Variants in RPS15A observed in about 807,000 individuals in gnomAD.
RPS15A encodes small ribosomal subunit protein uS8.
For synonymous variants in RPS15A, 55 were observed against 58.5 expected (o/e 0.94, Z 0.27); for missense variants, 62 against 163.4 (o/e 0.38, Z 3.38).
At chr16:18,789,338 A>C (rs1195191168) in intron 1 of RPS15A, among the ~76,000 whole-genome samples, 1 of 152,220 alleles carries the variant, frequency 6.6e-6, no homozygotes, top group Non-Finnish European at 1.5e-5. Context: ...GCACATTTTG[A>C]AACTCATTCA....
intron 3 of RPS15A, chr16:18,786,229 G>C: frequency 4.4e-6 from 1 of 225,374 alleles, no homozygotes; most frequent in Non-Finnish European, 9.2e-6. Context: ...GCCGGGCATG[G>C]TGGCACTCAC....
rs746348127 is a variant in RPS15A, at chr16:18,787,084, C to CAA, written c.213+977_213+978dup. ...TTCACCATGTTGGCCAGGCTTGTCT[C>CAA]AAACTCCTGACCTCGTGATCCGCCT... On this transcript the variant is annotated intron_variant, in intron 3 of 4. Transcript: ENST00000322989. Among the ~76,000 whole-genome samples, 12 of 152,320 alleles carry CAA rather than the reference C, an allele frequency of 7.9e-5. No individual in the cohort carries two copies. In the East Asian group the frequency reaches 2.1e-3, roughly 27 times the overall value.
intron 2 of RPS15A, 159 bp from the exon 3 acceptor site, chr16:18,788,301 T>C (rs2029933698): frequency 3.3e-6 from 2 of 597,346 alleles, no homozygotes; most frequent in Non-Finnish European, 6.0e-6. Flanking sequence ...AACTAATTTT[T>C]ACAACCTAAC....
In RPS15A at chr16:18,783,359, A is replaced by G. The variant is rs1208496464; in HGVS notation, c.300-257T>C. The G allele has an allele frequency of 2.3e-5, 11 of 481,476 alleles. 1 individual carries two copies. The highest frequency in any genetic ancestry group is 7.3e-4 in the Middle Eastern group (2 of 2,754). The allele number at this position is 481,476 out of a possible 1,614,324, so 29.8% of individuals were successfully genotyped here. A position where few individuals can be genotyped will look rare whatever the true frequency, so the allele number is the denominator to read the frequency against. On this transcript the variant is annotated intron_variant, in intron 4 of 4. Transcript: ENST00000322989. ...CTGCCTACACCATGAAACAAACTGC[A>G]CTGAAAACAAAGGCTGGGAACTCCT...
intron 1 of RPS15A, among the ~76,000 whole-genome samples, chr16:18,789,613 A>C (rs2029980512): frequency 6.6e-6 from 1 of 152,214 alleles, no homozygotes; most frequent in Admixed American, 6.5e-5. Flanking sequence ...TACAATGAAC[A>C]CATCTAACTA....
chr16:18,788,077 C>T lies in RPS15A; in HGVS notation c.199G>A (p.Gly67Ser). ...RAGKIVVNLTGRLNKCGVISP... is the reference protein window; with the variant it reads ...RAGKIVVNLTSRLNKCGVISP... ...CTCGTTCTTACCTTGTTTAGCCTGC[C>T]TGTGAGGTTCACAACAATTTTCCCA... is the stretch of plus-strand genomic sequence containing the variant. Residue 67 changes from glycine (G) to serine (S), a missense_variant, in exon 3 of 5, where the codon GGC becomes AGC. Transcript: ENST00000322989. The T allele has an allele frequency of 6.2e-7, 1 of 1,608,544 alleles. No homozygotes were observed. The highest frequency in any genetic ancestry group is 8.5e-7 in the Non-Finnish European group (1 of 1,175,528).
chr16:18,787,707 A>T (rs746979868), intron 3 of RPS15A, among the ~76,000 whole-genome samples: 13 of 152,330 alleles, frequency 8.5e-5, no homozygotes, highest in South Asian at 6.2e-4. Context: ...CACATCACTG[A>T]GAGGAAGGAC....
chr16:18,783,574 C>T, intron 4 of RPS15A: 1 of 443,362 alleles, frequency 2.3e-6, no homozygotes, highest in Non-Finnish European at 4.5e-6. Flanking sequence ...ATATAGTATG[C>T]AAATGTGCGG....
At chr16:18,783,199 G>T in intron 4 of RPS15A, 97 bp from the exon 5 acceptor site, 2 of 768,318 alleles carry the variant, frequency 2.6e-6, no homozygotes, top group Non-Finnish European at 4.4e-6. Flanking sequence ...GGTTAAGGGC[G>T]CTTTCCTGTG....
At position 18,789,103 on chromosome 16, in the gene RPS15A, A is replaced by G. The variant is rs775737604; in HGVS notation, c.11T>C (p.Met4Thr). The change falls in exon 2 of 5, where the codon ATG becomes ACG. Residue 4 changes from methionine to threonine, a missense_variant. Transcript: ENST00000322989. MVR[M>T]NVLADALKSI... ...CTTGAGAGCATCTGCCAGGACATTCATGCGCACCATTGTGGCTGTTCAAGG... is the reference window on the plus strand; with the variant it reads ...CTTGAGAGCATCTGCCAGGACATTCGTGCGCACCATTGTGGCTGTTCAAGG... The G allele has an allele frequency of 1.9e-6, 3 of 1,613,278 alleles. No individual in the cohort carries two copies. Among genetic ancestry groups the G allele is most frequent in the Admixed American group, 1.7e-5 (1 of 59,740 alleles).
chr16:18,789,442 G>T lies in RPS15A; in HGVS notation c.-5-324C>A, dbSNP rs3736382. ...ATCCACTTGACACAAGACAACGTGA[G>T]AACTGGCAGAAACTGCCAGCTACCG... On this transcript the variant is annotated intron_variant, in intron 1 of 4. Transcript: ENST00000322989. 2.6e-4 allele frequency among the ~76,000 whole-genome samples: 40 copies of T among 152,346 alleles called. No individual in the cohort carries two copies. In the East Asian group the frequency reaches 7.7e-3, roughly 29 times the overall value.
intron 2 of RPS15A, 81 bp from the exon 3 acceptor site, chr16:18,788,223 T>C: frequency 1.1e-6 from 1 of 879,250 alleles, no homozygotes. Context: ...ACTCAATTCT[T>C]CACTCTCCCA....
chr16:18,788,907 T>C, intron 2 of RPS15A, 74 bp downstream of exon 2: 5 of 1,489,598 alleles, frequency 3.4e-6, no homozygotes, highest in East Asian at 2.3e-5. Flanking sequence ...TGGTCCCCCA[T>C]AATTAATTTC....
intron 4 of RPS15A, chr16:18,784,466 G>C (rs112608196): frequency 3.0e-6 from 1 of 337,044 alleles, no homozygotes; most frequent in Non-Finnish European, 5.4e-6. Flanking sequence ...GGGTGGTCTC[G>C]AACTCCCAAC....
chr16:18,788,997 A>T lies in RPS15A; in HGVS notation c.117T>A (p.Thr39=), dbSNP rs899956838. The change falls in exon 2 of 5, where the codon ACT becomes ACA. Residue 39 remains threonine, a synonymous_variant. Transcript: ENST00000322989. ...CAGACTTACCATGCTTCATCATCAC[A>T]GTGAGAAACCGGACGATGACTTTGG... The part of the protein sequence containing the change: ...PCSKVIVRFL[T]VMMKHGYIGE... 1.2e-6 allele frequency: 2 copies of T among 1,612,994 alleles called. No homozygotes were observed. The highest frequency in any genetic ancestry group is 1.3e-5 in the African/African-American group (1 of 74,856).
intron 1 of RPS15A, chr16:18,789,812 AAGTG>A (rs1422067843): frequency 3.3e-5 from 5 of 152,244 alleles, no homozygotes; most frequent in Non-Finnish European, 7.3e-5. Flanking sequence ...TTAAGTTCAA[AAGTG>A]TCTAAAGAAA....
Position 18,784,549 on chromosome 16 carries a change from C to T in RPS15A, c.299+189G>A, listed in dbSNP as rs529220283. On this transcript the variant is annotated intron_variant, in intron 4 of 4. Transcript: ENST00000322989. Reference sequence around the variant, plus strand: ...GCGTGAGCCACTGTGCCTGGCCAACCCTGTCTCTTTTTAAAGAGAGAGAAA... The same window carrying T: ...GCGTGAGCCACTGTGCCTGGCCAACTCTGTCTCTTTTTAAAGAGAGAGAAA... 62 of 541,860 alleles carry T rather than the reference C, an allele frequency of 1.1e-4. No homozygotes were observed. In the South Asian group the frequency reaches 1.5e-3, roughly 13 times the overall value. The allele number at this position is 541,860 out of a possible 1,614,324, so 33.6% of individuals were successfully genotyped here.
chr16:18,784,004 A>G (rs1904006649), intron 4 of RPS15A: 1 of 213,574 alleles, frequency 4.7e-6, no homozygotes, highest in African/African-American at 2.3e-5. Context: ...AAAAGGGCAG[A>G]CATGAAAGTG....
In RPS15A at chr16:18,789,136, A is replaced by C; in HGVS notation, c.-5-18T>G. Reference sequence around the variant, plus strand: ...CATTGTGGCTGTTCAAGGAAGACAAAACAGGAGGTTTTACTGGCATTGCCA... The same window carrying C: ...CATTGTGGCTGTTCAAGGAAGACAACACAGGAGGTTTTACTGGCATTGCCA... On this transcript the variant is annotated intron_variant, in intron 1 of 4. Transcript: ENST00000322989. The C allele has an allele frequency of 1.2e-6, 2 of 1,600,454 alleles. No individual in the cohort carries two copies. The highest frequency in any genetic ancestry group is 2.2e-5 in the South Asian group (2 of 89,482).
Sources: allele counts gnomAD v4.1 joint callset (sites outside exome capture counted in the v4.1 genomes callset), GRCh38; gene constraint gnomAD v4.1.1; transcripts MANE v1.5; gene names NCBI Gene and HGNC (gene_info 2026-07-23, HGNC 2026-07-21).